The following EYS variants were observed in gnomAD, a reference collection of about 807,000 sequenced individuals.
EYS encodes the protein EGF-like photoreceptor maintenance factor.
Under a neutral mutation model 282.1 loss-of-function variants are expected in EYS, and 250 were observed. The ratio of observed to expected loss-of-function variants is 0.89; its 90% CI spans 0.80 to 0.98. The LOEUF (loss-of-function observed/expected upper bound fraction) is 0.98. Ranked by LOEUF, EYS falls within the 50% of genes least tolerant of loss-of-function variation. The pLI is 0.00. For missense variants in EYS, 4,016 were observed against 3,709.0 expected, an observed-to-expected ratio of 1.08 and a Z score of -2.15; for synonymous variants, 1,355 against 1,282.9, an observed-to-expected ratio of 1.06 and a Z score of -1.20.
At chr6:64,482,663 T>C (rs764164473) in intron 26 of EYS, among the ~76,000 whole-genome samples, 5 of 151,736 alleles carry the variant, frequency 3.3e-5, no homozygotes, top group Non-Finnish European at 5.9e-5. Flanking sequence ...TGGTTGTTGA[T>C]ATTGTTATCA....
chr6:65,208,987 A>G (rs1024278647), intron 12 of EYS, among the ~76,000 whole-genome samples: 2 of 151,886 alleles, frequency 1.3e-5, no homozygotes, highest in African/African-American at 4.8e-5. Context: ...TAGGACTTAA[A>G]CATAAAACAT....
intron 26 of EYS, among the ~76,000 whole-genome samples, chr6:64,473,062 G>A (rs1776163624): frequency 6.6e-6 from 1 of 152,064 alleles, no homozygotes; most frequent in Non-Finnish European, 1.5e-5. Flanking sequence ...TTACTATCCA[G>A]CATTTATTAG....
At chr6:63,942,724 A>C (rs1020404860) in intron 35 of EYS, among the ~76,000 whole-genome samples, 1 of 152,226 alleles carries the variant, frequency 6.6e-6, no homozygotes, top group Non-Finnish European at 1.5e-5. Flanking sequence ...AATAAAAAAA[A>C]CATCAGACAG....
intron 21 of EYS, among the ~76,000 whole-genome samples, chr6:64,816,480 C>G (rs11961876): frequency 0.06 from 9,143 of 151,978 alleles, 429 homozygotes; most frequent in African/African-American, 0.12. Flanking sequence ...CTTCTCTTAC[C>G]CCCACTTGTT....
intron 2 of EYS, among the ~76,000 whole-genome samples, chr6:65,527,204 G>A (rs1582416897): frequency 6.6e-6 from 1 of 152,108 alleles, no homozygotes; most frequent in East Asian, 1.9e-4. Context: ...GTATATTCTG[G>A]TTAACCCCAA....
At chr6:65,083,173 AT>A (rs1774273356) in intron 12 of EYS, among the ~76,000 whole-genome samples, 1 of 151,950 alleles carries the variant, frequency 6.6e-6, no homozygotes, top group Non-Finnish European at 1.5e-5. Context: ...TCATTTATTC[AT>A]TTTCTCAGTA....
intron 2 of EYS, among the ~76,000 whole-genome samples, chr6:65,558,901 T>C (rs972539250): frequency 6.6e-6 from 1 of 152,184 alleles, no homozygotes; most frequent in African/African-American, 2.4e-5. Context: ...GTTTCCTTAA[T>C]TATAATGAGA....
chr6:63,818,647 G>A (rs1430468693), intron 36 of EYS, among the ~76,000 whole-genome samples: 1 of 152,180 alleles, frequency 6.6e-6, no homozygotes, highest in Non-Finnish European at 1.5e-5. Context: ...TTGGAGGCTA[G>A]TCATTTCCCT....
chr6:64,544,482 C>T (rs767259054), intron 26 of EYS, among the ~76,000 whole-genome samples: 1 of 152,066 alleles, frequency 6.6e-6, no homozygotes, highest in East Asian at 1.9e-4. Context: ...TGTGGTGTCA[C>T]TTGAAGTAGC....
At chr6:64,356,719 G>A (rs866643036) in intron 29 of EYS, among the ~76,000 whole-genome samples, 1 of 151,624 alleles carries the variant, frequency 6.6e-6, no homozygotes, top group South Asian at 2.1e-4. Flanking sequence ...TCCAGTGTTT[G>A]CCAAATACAC....
intron 19 of EYS, among the ~76,000 whole-genome samples, chr6:64,847,758 GT>G (rs1308385170): frequency 6.6e-6 from 1 of 151,880 alleles, no homozygotes; most frequent in East Asian, 1.9e-4. Context: ...AGAAATTCCA[GT>G]TATTTTCCCT....
chr6:64,703,410 C>CACACACAT (rs1447947508), intron 22 of EYS, among the ~76,000 whole-genome samples: 21 of 51,536 alleles, frequency 4.1e-4, no homozygotes, highest in African/African-American at 1.4e-3. Flanking sequence ...CACACACACA[C>CACACACAT]ATATATATAT....
intron 1 of EYS, among the ~76,000 whole-genome samples, chr6:65,648,720 A>T (rs183597596): frequency 1.1e-3 from 157 of 149,400 alleles, no homozygotes; most frequent in Admixed American, 4.6e-3. Flanking sequence ...AAAAAAAATC[A>T]ATTTATAAAA....
intron 35 of EYS, among the ~76,000 whole-genome samples, chr6:63,926,050 G>A (rs976830931): frequency 1.9e-4 from 29 of 151,470 alleles, no homozygotes; most frequent in African/African-American, 6.3e-4. Flanking sequence ...ATGTGTTCTC[G>A]TCGTTCAACT....
chr6:65,166,205 C>A (rs764313108), intron 12 of EYS, among the ~76,000 whole-genome samples: 1 of 151,002 alleles, frequency 6.6e-6, no homozygotes, highest in Non-Finnish European at 1.5e-5. Context: ...GAAATCCAAG[C>A]TGATTTTTTT....
chr6:63,981,196 C>T (rs867295548), intron 35 of EYS, among the ~76,000 whole-genome samples: 9 of 151,786 alleles, frequency 5.9e-5, no homozygotes, highest in Middle Eastern at 3.4e-3. Context: ...TCTGGTTCTC[C>T]TTTTTGGATT....
chr6:64,620,321 G>A (rs375773954), intron 23 of EYS, among the ~76,000 whole-genome samples: 8 of 152,134 alleles, frequency 5.3e-5, no homozygotes, highest in Non-Finnish European at 8.8e-5. Flanking sequence ...ATGCACCTAC[G>A]CACTGAAATA....
chr6:65,267,268 C>G (rs1340274448), intron 12 of EYS, among the ~76,000 whole-genome samples: 1 of 151,706 alleles, frequency 6.6e-6, no homozygotes, highest in Admixed American at 6.6e-5. Context: ...CTGCAATTTT[C>G]TTTTCAGATT....
At chr6:64,042,728 G>A (rs2149838277) in intron 33 of EYS, among the ~76,000 whole-genome samples, 1 of 152,090 alleles carries the variant, frequency 6.6e-6, no homozygotes, top group East Asian at 1.9e-4. Context: ...ATATCTTTTT[G>A]TTCTCTGGAC....
Sources: gnomAD v4.1 joint callset for allele counts (sites outside exome capture counted in the v4.1 genomes callset) on GRCh38, gnomAD v4.1.1 for gene constraint, MANE v1.5 for transcripts, NCBI Gene and HGNC (gene_info 2026-07-23, HGNC 2026-07-21) for gene names.